Variants in HSPH1 observed in about 807,000 individuals in gnomAD.
HSPH1 encodes heat shock protein family H (Hsp110) member 1, also known as heat shock protein 105 kDa.
Under a neutral mutation model 100.0 loss-of-function variants are expected in HSPH1, and 40 were observed. The observed-to-expected ratio is 0.40, with a 90% CI of 0.31 to 0.52. The LOEUF (loss-of-function observed/expected upper bound fraction) is 0.52, where lower values mean the gene tolerates loss of function less well. Among genes scored for constraint, HSPH1 ranks in the 20% least tolerant of loss-of-function variants. HSPH1 has a pLI of 0.54. For missense variants in HSPH1, 876 were observed against 1,015.1 expected (o/e 0.86, Z 1.86); for synonymous variants, 403 against 344.0 (o/e 1.17, Z -1.90).
At chr13:31,141,603 T>C (rs1956091924) in intron 12 of HSPH1, among the ~76,000 whole-genome samples, 1 of 152,056 alleles carries the variant, frequency 6.6e-6, no homozygotes, top group African/African-American at 2.4e-5. Flanking sequence ...ATTATCTTTA[T>C]AGACTCTAGA....
At chr13:31,145,500 T>G in intron 11 of HSPH1, 63 bp downstream of exon 11, 1 of 1,285,702 alleles carries the variant, frequency 7.8e-7, no homozygotes, top group African/African-American at 1.5e-5. Flanking sequence ...CCCTACCCAA[T>G]TCTCCTATAG....
chr13:31,154,512 C>A, intron 4 of HSPH1, 121 bp downstream of exon 4: 2 of 1,109,610 alleles, frequency 1.8e-6, no homozygotes, highest in Non-Finnish European at 2.7e-6. Context: ...CATGTTAATA[C>A]AGTCCAGTAG....
intron 12 of HSPH1, among the ~76,000 whole-genome samples, chr13:31,142,632 G>C (rs1956136862): frequency 6.6e-6 from 1 of 152,062 alleles, no homozygotes; most frequent in Admixed American, 6.6e-5. Flanking sequence ...GACAAAACCA[G>C]CATCACAAAA....
At position 31,136,110 on chromosome 13, in the gene HSPH1, A is replaced by C. The variant is rs1955876545; in HGVS notation, c.*1208T>G. On this transcript the variant is annotated 3_prime_UTR_variant, in exon 18 of 18. Transcript: ENST00000320027. ...TCTCCCCTACCTCCAACACTACTTC[A>C]ATTTTGTGCTTACAAAACAACCAGA... The C allele has an allele frequency of 6.6e-6, 1 of 152,202 alleles. No individual in the cohort carries two copies. Among genetic ancestry groups the C allele is most frequent in the African/African-American group, 2.4e-5 (1 of 41,444 alleles). 9.4% of individuals were successfully genotyped at this position (152,202 alleles called of 1,614,324 possible). A position where few individuals can be genotyped will look rare whatever the true frequency, so the allele number is the denominator to read the frequency against.
chr13:31,144,891 T>C (rs1042443059), intron 11 of HSPH1, among the ~76,000 whole-genome samples: 1 of 152,324 alleles, frequency 6.6e-6, no homozygotes. Context: ...AAGGTAACAG[T>C]GATCACTAGA....
At position 31,161,822 on chromosome 13, in the gene HSPH1, T is replaced by C. The variant is rs888526022; in HGVS notation, c.-240A>G. On this transcript the variant is annotated 5_prime_UTR_variant, in exon 1 of 18. Coordinates refer to ENST00000320027, the MANE Select transcript of HSPH1 (RefSeq NM_006644.4). ...CCCTGGGAGAAAGCGGGGCTCAGCC[T>C]CCGCAGGTCGCTCCGCACCTCGGGT... 8.1e-6 allele frequency: 12 copies of C among 1,475,344 alleles called. No homozygotes were observed. Among genetic ancestry groups the C allele is most frequent in the Non-Finnish European group, 1.1e-5 (12 of 1,114,648 alleles). The allele number at this position is 1,475,344 out of a possible 1,614,324, so 91.4% of individuals were successfully genotyped here. A position where few individuals can be genotyped will look rare whatever the true frequency, so the allele number is the denominator to read the frequency against.
At position 31,161,565 on chromosome 13, in the gene HSPH1, C is replaced by T. The variant is rs900191326; in HGVS notation, c.18G>A (p.Leu6=). Residue 6 remains leucine (L), a synonymous_variant, in exon 1 of 18, where the codon TTG becomes TTA. Transcript: ENST00000320027. ...TGTAGCAGCTCTGCGAGCCCACGTC[C>T]AACCCCACCACCGACATGGCCGGCT... The part of the protein sequence containing the change: MSVVG[L]DVGSQSCYIA... 2 of 1,613,554 alleles carry T rather than the reference C, an allele frequency of 1.2e-6. No homozygotes were observed. Among genetic ancestry groups the T allele is most frequent in the Middle Eastern group, 1.6e-4 (1 of 6,082 alleles).
At position 31,154,761 on chromosome 13, in the gene HSPH1, T is replaced by C. The variant is rs1177235664; in HGVS notation, c.307-6A>G. The stretch of plus-strand genomic sequence containing the variant: ...TCTTCACCCATGTACATTACCTATA[T>C]TGAAGGGAAAAAATGTTTTAAACAT... On this transcript the variant is annotated splice_polypyrimidine_tract_variant and splice_region_variant and intron_variant, in intron 3 of 17. Transcript: ENST00000320027. 3.1e-6 allele frequency: 5 copies of C among 1,609,766 alleles called. No individual in the cohort carries two copies. The highest frequency in any genetic ancestry group is 2.2e-5 in the East Asian group (1 of 44,822).
At chr13:31,138,663 T>C in intron 16 of HSPH1, 95 bp from the exon 17 acceptor site, 1 of 1,514,674 alleles carries the variant, frequency 6.6e-7, no homozygotes, top group African/African-American at 1.4e-5. Context: ...CAAATCTACC[T>C]CTAACCTCAA....
chr13:31,140,050 T>C, intron 14 of HSPH1, 134 bp downstream of exon 14: 1 of 841,778 alleles, frequency 1.2e-6, no homozygotes, highest in Non-Finnish European at 1.8e-6. Context: ...CAAGCCTTTC[T>C]CCATAACTTT....
rs1202257268 is a variant in HSPH1, at chr13:31,141,038, GCCATTTATCTA to G, written c.1854+73_1854+83del. ...AAACTTGGGATGAGAAAGAATTATG[GCCATTTATCTA>G]CTAGAAATATAGATATCAGGGCCAA... On this transcript the variant is annotated intron_variant, in intron 13 of 17. Transcript: ENST00000320027. 3 of 786,338 alleles carry G rather than the reference GCCATTTATCTA, an allele frequency of 3.8e-6. No individual in the cohort carries two copies. In the East Asian group the frequency reaches 8.6e-5, roughly 23 times the overall value. 48.7% of individuals were successfully genotyped at this position (786,338 alleles called of 1,614,324 possible).
intron 1 of HSPH1, among the ~76,000 whole-genome samples, chr13:31,160,073 A>G (rs1027898502): frequency 2.0e-5 from 3 of 152,144 alleles, no homozygotes; most frequent in African/African-American, 7.2e-5. Flanking sequence ...CTCAGTTCAC[A>G]TTTTTCAGGG....
In HSPH1 at chr13:31,137,398, T is replaced by C; in HGVS notation, c.2497A>G (p.Asn833Asp). 6.2e-7 allele frequency: 1 copy of C among 1,613,604 alleles called. No individual in the cohort carries two copies. Reference protein sequence around the residue: ...KKEEDLEDKNNFGAEPPHQNG... With the variant: ...KKEEDLEDKNDFGAEPPHQNG... ...TGATGTGGAGGTTCAGCACCAAAAT[T>C]GTTTTTGTCTTCTAAATCTTCTTCC... Residue 833 changes from asparagine (N) to aspartate (D), a missense_variant, in exon 18 of 18, where the codon AAT becomes GAT. Asn to Asp is a conservative substitution (Grantham distance 23). Transcript: ENST00000320027.
At chr13:31,139,131 T>C (rs770929374) in intron 14 of HSPH1, 24 bp from the exon 15 acceptor site, 3 of 1,370,078 alleles carry the variant, frequency 2.2e-6, no homozygotes, top group African/African-American at 2.9e-5. Context: ...ATGACAATAT[T>C]AGTGGCACTC....
At chr13:31,147,869 T>C in intron 10 of HSPH1, 90 bp downstream of exon 10, 1 of 1,127,404 alleles carries the variant, frequency 8.9e-7, no homozygotes, top group Non-Finnish European at 1.2e-6. Context: ...TCAACATTAC[T>C]AAGAATAAGA....
At chr13:31,144,938 C>T (rs1382575121) in intron 11 of HSPH1, among the ~76,000 whole-genome samples, 2 of 152,250 alleles carry the variant, frequency 1.3e-5, no homozygotes, top group Non-Finnish European at 1.5e-5. Context: ...AAACACCACA[C>T]TGCCTCCCTC....
intron 13 of HSPH1, chr13:31,140,914 G>A: frequency 5.3e-6 from 2 of 373,846 alleles, no homozygotes; most frequent in Non-Finnish European, 9.4e-6. Context: ...CAAGAACTCA[G>A]CCAATCATGT....
At chr13:31,161,260 C>T (rs1399015405) in intron 1 of HSPH1, among the ~76,000 whole-genome samples, 2 of 152,208 alleles carry the variant, frequency 1.3e-5, no homozygotes, top group African/African-American at 2.4e-5. Context: ...CTCTCACCCC[C>T]GTGAATCCCT....
At chr13:31,155,741 A>T (rs1405971642) in intron 2 of HSPH1, 87 bp from the exon 3 acceptor site, 3 of 1,174,512 alleles carry the variant, frequency 2.6e-6, no homozygotes, top group Non-Finnish European at 3.6e-6. Context: ...TTCACTTTAC[A>T]ACTCAAACCA....
Sources: gnomAD v4.1 joint callset for allele counts (sites outside exome capture counted in the v4.1 genomes callset) on GRCh38, gnomAD v4.1.1 for gene constraint, MANE v1.5 for transcripts, NCBI Gene and HGNC (gene_info 2026-07-23, HGNC 2026-07-21) for gene names.